The following NUP93 variants were observed in gnomAD, a reference collection of about 807,000 sequenced individuals.
NUP93 encodes the protein nuclear pore complex protein Nup93.
A neutral mutation model predicts 107.8 loss-of-function variants in NUP93; 55 were observed. The observed-to-expected ratio is 0.51, with a 90% confidence interval of 0.41 to 0.64. The LOEUF is 0.64. Ranked by LOEUF, NUP93 falls within the 30% of genes least tolerant of loss-of-function variation. The pLI is 0.00. For missense variants in NUP93, 937 were observed against 1,044.7 expected (o/e 0.90, Z 1.42); for synonymous variants, 390 against 397.5 (o/e 0.98, Z 0.22).
intron 3 of NUP93, among the ~76,000 whole-genome samples, chr16:56,793,607 A>G (rs1372118279): frequency 6.6e-6 from 1 of 152,112 alleles, no homozygotes; most frequent in Non-Finnish European, 1.5e-5. Context: ...AGAGAAAGGA[A>G]ACACATGGGT....
chr16:56,828,258 ATTATC>A (rs1449904674), intron 8 of NUP93, among the ~76,000 whole-genome samples: 4 of 151,958 alleles, frequency 2.6e-5, no homozygotes, highest in African/African-American at 4.8e-5. Flanking sequence ...AATTAATGGA[ATTATC>A]TTAGATTAAG....
At chr16:56,837,798 A>C in intron 18 of NUP93, 72 bp downstream of exon 18, 1 of 1,099,984 alleles carries the variant, frequency 9.1e-7, no homozygotes, top group Non-Finnish European at 1.4e-6. Context: ...TGCCCACCCA[A>C]ATGCATGTTC....
chr16:56,771,813 C>T (rs1435516967), intron 3 of NUP93, among the ~76,000 whole-genome samples: 1 of 152,110 alleles, frequency 6.6e-6, no homozygotes, highest in Non-Finnish European at 1.5e-5. Context: ...TTTATGCTGT[C>T]TGAGTAGGTC....
chr16:56,770,261 T>C (rs1490607602), intron 3 of NUP93, among the ~76,000 whole-genome samples: 2 of 152,192 alleles, frequency 1.3e-5, no homozygotes, highest in African/African-American at 4.8e-5. Flanking sequence ...GAAATTAGAA[T>C]CTAGCTGAAG....
At chr16:56,775,886 C>T (rs186010493) in intron 3 of NUP93, among the ~76,000 whole-genome samples, 1 of 152,166 alleles carries the variant, frequency 6.6e-6, no homozygotes. Context: ...GCAGGGGCCC[C>T]CTCACCTCTT....
chr16:56,797,168 G>T (rs866202827), intron 3 of NUP93, among the ~76,000 whole-genome samples: 3 of 152,028 alleles, frequency 2.0e-5, no homozygotes, highest in Non-Finnish European at 4.4e-5. Flanking sequence ...TACTTGGGAG[G>T]CTGAGGCAGG....
intron 1 of NUP93, chr16:56,741,661 T>C (rs1359355530): frequency 2.0e-5 from 3 of 152,182 alleles, no homozygotes; most frequent in African/African-American, 4.8e-5. Context: ...TCATTGTCAG[T>C]TGTACATTTG....
intron 1 of NUP93, among the ~76,000 whole-genome samples, chr16:56,739,684 A>G (rs1223414484): frequency 8.3e-5 from 9 of 108,622 alleles, no homozygotes; most frequent in Admixed American, 4.4e-4. Flanking sequence ...TGACCCCCCC[A>G]CCTCCCTCCC....
At chr16:56,796,929 G>T (rs1048866226) in intron 3 of NUP93, among the ~76,000 whole-genome samples, 1 of 151,636 alleles carries the variant, frequency 6.6e-6, no homozygotes, top group Non-Finnish European at 1.5e-5. Flanking sequence ...CCGAGATGGC[G>T]CCACTGCACT....
chr16:56,768,267 A>G (rs2144497997), intron 3 of NUP93, among the ~76,000 whole-genome samples: 1 of 152,312 alleles, frequency 6.6e-6, no homozygotes, highest in African/African-American at 2.4e-5. Context: ...GAGACACATT[A>G]CGTTCTTGTC....
intron 3 of NUP93, among the ~76,000 whole-genome samples, chr16:56,788,722 C>T (rs903065656): frequency 6.6e-6 from 1 of 152,194 alleles, no homozygotes; most frequent in African/African-American, 2.4e-5. Flanking sequence ...TTAACCTTGG[C>T]CTTCCTCCCC....
intron 16 of NUP93, among the ~76,000 whole-genome samples, chr16:56,835,676 G>A (rs2144638765): frequency 6.6e-6 from 1 of 152,316 alleles, no homozygotes; most frequent in African/African-American, 2.4e-5. Flanking sequence ...ACCTTGACCT[G>A]GTCTAGCCCT....
intron 5 of NUP93, among the ~76,000 whole-genome samples, chr16:56,813,137 A>G (rs1455703756): frequency 6.6e-6 from 1 of 152,236 alleles, no homozygotes; most frequent in African/African-American, 2.4e-5. Flanking sequence ...AATGATGGTA[A>G]CATTCCACAC....
intron 3 of NUP93, among the ~76,000 whole-genome samples, chr16:56,795,137 C>T (rs1473395875): frequency 6.6e-6 from 1 of 151,688 alleles, no homozygotes; most frequent in Non-Finnish European, 1.5e-5. Flanking sequence ...TACCCCCAAA[C>T]GTAGCTTGTT....
intron 10 of NUP93, among the ~76,000 whole-genome samples, chr16:56,831,123 G>A (rs1410944871): frequency 6.6e-6 from 1 of 152,208 alleles, no homozygotes; most frequent in Non-Finnish European, 1.5e-5. Context: ...TAGTAAAATT[G>A]AAATATAATC....
intron 3 of NUP93, among the ~76,000 whole-genome samples, chr16:56,776,058 AT>A (rs5817075): frequency 0.37 from 53,951 of 147,302 alleles, 10,341 homozygotes; most frequent in East Asian, 0.54. Context: ...TTGGTGCCAG[AT>A]TTTTTTTTTT....
intron 1 of NUP93, among the ~76,000 whole-genome samples, chr16:56,734,799 C>A (rs558535835): frequency 2.0e-5 from 3 of 152,238 alleles, no homozygotes; most frequent in Non-Finnish European, 4.4e-5. Context: ...TGAGCAACTT[C>A]TAGCATGAAG....
intron 5 of NUP93, among the ~76,000 whole-genome samples, chr16:56,807,622 A>G (rs1342417563): frequency 6.6e-6 from 1 of 152,240 alleles, no homozygotes; most frequent in African/African-American, 2.4e-5. Context: ...AGTGTATTAT[A>G]GAATGATTAT....
chr16:56,826,234 G>A (rs935027550), intron 8 of NUP93, among the ~76,000 whole-genome samples: 3 of 152,060 alleles, frequency 2.0e-5, no homozygotes, highest in Non-Finnish European at 2.9e-5. Context: ...CTTCCAGGCC[G>A]GGCGCAGTGG....
Sources: gnomAD v4.1 joint callset for allele counts (sites outside exome capture counted in the v4.1 genomes callset) on GRCh38, gnomAD v4.1.1 for gene constraint, MANE v1.5 for transcripts, NCBI Gene and HGNC (gene_info 2026-07-23, HGNC 2026-07-21) for gene names.